PPM1L: variants seen among roughly 807,000 people sequenced by gnomAD.
PPM1L encodes the protein protein phosphatase, Mg2+/Mn2+ dependent 1L.
PPM1L carries 13 observed loss-of-function variants against 31.4 expected under a neutral mutation model. That is an observed-to-expected ratio of 0.41 (90% CI 0.27 to 0.66). The LOEUF is 0.66. PPM1L is among the 30% of genes least tolerant of loss of function. PPM1L has a pLI of 0.29. For missense variants in PPM1L, 326 were observed against 453.7 expected, an observed-to-expected ratio of 0.72 and a Z score of 2.56; for synonymous variants, 184 against 175.4, an observed-to-expected ratio of 1.05 and a Z score of -0.39.
chr3:160,830,974 T>G (rs1477182133), intron 1 of PPM1L, among the ~76,000 whole-genome samples: 2 of 152,180 alleles, frequency 1.3e-5, no homozygotes, highest in East Asian at 3.9e-4. Context: ...TGTTAGGTGT[T>G]GGGGATGGAA....
At chr3:161,025,018 T>C (rs1337878268) in intron 2 of PPM1L, among the ~76,000 whole-genome samples, 6 of 152,240 alleles carry the variant, frequency 3.9e-5, no homozygotes, top group Admixed American at 6.5e-5. Flanking sequence ...AGCTTCAGGC[T>C]AATTTCTAGA....
At chr3:160,978,934 T>C (rs1280502678) in intron 2 of PPM1L, among the ~76,000 whole-genome samples, 1 of 151,972 alleles carries the variant, frequency 6.6e-6, no homozygotes, top group Non-Finnish European at 1.5e-5. Flanking sequence ...GGAAAATGCA[T>C]CTGAATACTC....
chr3:160,757,445 G>A (rs755705138), intron 1 of PPM1L, among the ~76,000 whole-genome samples: 4 of 152,254 alleles, frequency 2.6e-5, no homozygotes, highest in Non-Finnish European at 4.4e-5. Flanking sequence ...TGCAGACGTC[G>A]TCCTGCTTCT....
intron 2 of PPM1L, among the ~76,000 whole-genome samples, chr3:161,017,955 C>A (rs1576786304): frequency 6.6e-6 from 1 of 151,978 alleles, no homozygotes; most frequent in Non-Finnish European, 1.5e-5. Flanking sequence ...TTACCCTAAC[C>A]TGATTGAATA....
At chr3:160,907,732 C>A (rs569040433) in intron 1 of PPM1L, among the ~76,000 whole-genome samples, 43 of 152,270 alleles carry the variant, frequency 2.8e-4, no homozygotes, top group Admixed American at 7.8e-4. Context: ...ACTATCACTA[C>A]CCCAAGCATG....
At chr3:160,950,057 A>G (rs376410785) in intron 1 of PPM1L, among the ~76,000 whole-genome samples, 4 of 152,208 alleles carry the variant, frequency 2.6e-5, no homozygotes, top group Admixed American at 6.5e-5. Context: ...TAGACCTTCA[A>G]GGAGCACAGA....
At chr3:160,938,158 G>A (rs1022384536) in intron 1 of PPM1L, among the ~76,000 whole-genome samples, 3 of 152,122 alleles carry the variant, frequency 2.0e-5, no homozygotes, top group South Asian at 2.1e-4. Context: ...CAAGAGAATT[G>A]CTATTATTTA....
chr3:160,972,212 A>G (rs1440380198), intron 2 of PPM1L, among the ~76,000 whole-genome samples: 1 of 150,434 alleles, frequency 6.6e-6, no homozygotes, highest in East Asian at 1.9e-4. Context: ...CTTTTTTTTT[A>G]TTATACTTTA....
At chr3:160,933,418 A>G (rs1395121588) in intron 1 of PPM1L, among the ~76,000 whole-genome samples, 1 of 152,230 alleles carries the variant, frequency 6.6e-6, no homozygotes. Flanking sequence ...GGTAAGCATA[A>G]AGGTATCTTC....
chr3:161,063,685 T>C (rs1423768290), intron 2 of PPM1L, among the ~76,000 whole-genome samples: 1 of 152,122 alleles, frequency 6.6e-6, no homozygotes, highest in Non-Finnish European at 1.5e-5. Flanking sequence ...ACCCAAAGGA[T>C]TATAAACCAT....
In PPM1L at chr3:161,071,895, T is replaced by C. The variant is rs1719931095; in HGVS notation, c.*2738T>C. On this transcript the variant is annotated 3_prime_UTR_variant, in exon 4 of 4. Coordinates refer to ENST00000498165, the MANE Select transcript of PPM1L (RefSeq NM_139245.4). ...TTCCCTAAGCAGCACTGCCAAAGCTTTGGAATTGTCACCCAAGGCTTCCTA... is the reference window on the plus strand; with the variant it reads ...TTCCCTAAGCAGCACTGCCAAAGCTCTGGAATTGTCACCCAAGGCTTCCTA... The C allele has an allele frequency of 6.6e-6, 1 of 151,784 alleles. No homozygotes were observed. The allele number at this position is 151,784 out of a possible 1,614,324, so 9.4% of individuals were successfully genotyped here. A position where few individuals can be genotyped will look rare whatever the true frequency, so the allele number is the denominator to read the frequency against.
intron 1 of PPM1L, among the ~76,000 whole-genome samples, chr3:160,843,951 A>G (rs1014769625): frequency 6.6e-6 from 1 of 152,226 alleles, no homozygotes; most frequent in Non-Finnish European, 1.5e-5. Flanking sequence ...CTATGCAGCC[A>G]TAAAAAGTAT....
At chr3:161,007,685 G>A (rs1002463523) in intron 2 of PPM1L, among the ~76,000 whole-genome samples, 3 of 152,120 alleles carry the variant, frequency 2.0e-5, no homozygotes, top group Admixed American at 6.5e-5. Context: ...GCTTTCGTTA[G>A]TGTATTTTAT....
intron 1 of PPM1L, among the ~76,000 whole-genome samples, chr3:160,924,116 G>A (rs568444322): frequency 9.9e-5 from 15 of 152,272 alleles, no homozygotes; most frequent in South Asian, 4.1e-4. Flanking sequence ...TTAGAAAAGA[G>A]GTAAATGCTG....
chr3:160,763,754 A>G (rs1232128605), intron 1 of PPM1L, among the ~76,000 whole-genome samples: 2 of 152,168 alleles, frequency 1.3e-5, no homozygotes, highest in African/African-American at 2.4e-5. Flanking sequence ...AACAAGATAG[A>G]AGTATGGGGG....
chr3:160,953,610 C>A (rs952637507), intron 1 of PPM1L, among the ~76,000 whole-genome samples: 1 of 152,022 alleles, frequency 6.6e-6, no homozygotes, highest in Non-Finnish European at 1.5e-5. Flanking sequence ...AATGGCGGTT[C>A]TATTAGAATT....
intron 1 of PPM1L, among the ~76,000 whole-genome samples, chr3:160,923,247 A>G (rs924320483): frequency 1.3e-5 from 2 of 152,166 alleles, no homozygotes; most frequent in African/African-American, 4.8e-5. Context: ...TGATCATGAG[A>G]CTTTGGGCAG....
intron 1 of PPM1L, among the ~76,000 whole-genome samples, chr3:160,853,361 C>A (rs947563297): frequency 6.6e-6 from 1 of 152,094 alleles, no homozygotes; most frequent in African/African-American, 2.4e-5. Flanking sequence ...ACCTATCCTA[C>A]CTGTATTAAG....
intron 2 of PPM1L, among the ~76,000 whole-genome samples, chr3:161,046,947 A>G (rs1200647527): frequency 6.6e-6 from 1 of 152,210 alleles, no homozygotes; most frequent in Non-Finnish European, 1.5e-5. Flanking sequence ...TCTCAAAATA[A>G]TAAGAGCTAC....
Sources: allele counts gnomAD v4.1 joint callset (sites outside exome capture counted in the v4.1 genomes callset), GRCh38; gene constraint gnomAD v4.1.1; transcripts MANE v1.5; gene names NCBI Gene and HGNC (gene_info 2026-07-23, HGNC 2026-07-21).